The following CPD variants were observed in gnomAD, a reference collection of about 807,000 sequenced individuals.
The protein encoded by CPD is carboxypeptidase D.
Under a neutral mutation model 138.3 loss-of-function variants are expected in CPD, and 69 were observed. The ratio of observed to expected loss-of-function variants is 0.50; its 90% CI spans 0.41 to 0.61. The LOEUF is 0.61. Ranked by LOEUF, CPD falls within the 20% of genes least tolerant of loss-of-function variation. The probability of loss-of-function intolerance (pLI) is 0.00; values close to 1 mark genes in which losing one functional copy is unlikely to be tolerated. For missense variants in CPD, 1,432 were observed against 1,733.3 expected, an observed-to-expected ratio of 0.83 and a Z score of 3.09; for synonymous variants, 651 against 642.1, an observed-to-expected ratio of 1.01 and a Z score of -0.21.
rs1387041378 is a variant in CPD, at chr17:30,467,265, A to T, written c.*2451A>T. The T allele has an allele frequency of 6.6e-6, 1 of 152,598 alleles. No homozygotes were observed. The highest frequency in any genetic ancestry group is 1.5e-5 in the Non-Finnish European group (1 of 68,010). 9.5% of individuals were successfully genotyped at this position (152,598 alleles called of 1,614,324 possible). A position where few individuals can be genotyped will look rare whatever the true frequency, so the allele number is the denominator to read the frequency against. On this transcript the variant is annotated 3_prime_UTR_variant, in exon 21 of 21. Transcript: ENST00000225719. Reference sequence around the variant, plus strand: ...TTGTGCCTTTCTTTACTCACAAGGCATGGGCTTTGTCCTGGTGATCAGTTT... The same window carrying T: ...TTGTGCCTTTCTTTACTCACAAGGCTTGGGCTTTGTCCTGGTGATCAGTTT...
chr17:30,422,851 A>G lies in CPD; in HGVS notation c.1485A>G (p.Pro495=). Reference sequence around the variant, plus strand: ...CTGGAACATCATCCTCCTACCAGCCAATTCAGCCAAAGGACTTTCACCACC... The same window carrying G: ...CTGGAACATCATCCTCCTACCAGCCGATTCAGCCAAAGGACTTTCACCACC... The part of the protein sequence containing the change: ...ILSGTSSSYQ[P]IQPKDFHHHH... Residue 495 remains proline (P), a synonymous_variant, in exon 5 of 21, where the codon CCA becomes CCG. Coordinates refer to ENST00000225719, the MANE Select transcript of CPD (RefSeq NM_001304.5). 6.2e-7 allele frequency: 1 copy of G among 1,614,120 alleles called. No individual in the cohort carries two copies. The highest frequency in any genetic ancestry group is 8.5e-7 in the Non-Finnish European group (1 of 1,179,972).
intron 6 of CPD, among the ~76,000 whole-genome samples, chr17:30,426,179 G>A (rs1458578924): frequency 2.1e-5 from 3 of 142,120 alleles, no homozygotes; most frequent in Admixed American, 7.5e-5. Flanking sequence ...CAGCCTGGGC[G>A]ACAAGGCGAG....
chr17:30,400,408 A>G (rs533113414), intron 2 of CPD, among the ~76,000 whole-genome samples: 1 of 152,066 alleles, frequency 6.6e-6, no homozygotes, highest in Admixed American at 6.6e-5. Flanking sequence ...AAACCCTACT[A>G]GACAATGTTA....
At chr17:30,401,256 T>TCTCCTC (rs1911652876) in intron 2 of CPD, among the ~76,000 whole-genome samples, 1 of 151,616 alleles carries the variant, frequency 6.6e-6, no homozygotes. Flanking sequence ...TTCTTCTCCT[T>TCTCCTC]CTCCTTCTCC....
intron 8 of CPD, among the ~76,000 whole-genome samples, chr17:30,437,729 G>T (rs2143454559): frequency 6.6e-6 from 1 of 151,648 alleles, no homozygotes; most frequent in South Asian, 2.1e-4. Flanking sequence ...AAAAGAGCAT[G>T]CATATAATTA....
chr17:30,448,532 A>T (rs2143482071), intron 12 of CPD, among the ~76,000 whole-genome samples: 1 of 152,340 alleles, frequency 6.6e-6, no homozygotes, highest in East Asian at 1.9e-4. Flanking sequence ...ACAGGCACTA[A>T]GTACCATTGA....
intron 2 of CPD, among the ~76,000 whole-genome samples, chr17:30,415,213 A>C (rs1466036003): frequency 6.6e-6 from 1 of 152,122 alleles, no homozygotes; most frequent in East Asian, 1.9e-4. Context: ...CACTACCACC[A>C]ACCTAGTCCA....
intron 14 of CPD, chr17:30,454,839 A>G (rs1913250926): frequency 6.6e-6 from 1 of 152,648 alleles, no homozygotes; most frequent in South Asian, 2.1e-4. Context: ...GTGAAAGTGG[A>G]ATCCCCTGGT....
At position 30,387,855 on chromosome 17, in the gene CPD, T is replaced by C. The variant is rs144787083; in HGVS notation, c.994+2619T>C. 2.6e-5 allele frequency among the ~76,000 whole-genome samples: 4 copies of C among 152,354 alleles called. No homozygotes were observed. The East Asian group carries it at 7.7e-4, about 29-fold the overall frequency. On this transcript the variant is annotated intron_variant, in intron 2 of 20. Transcript: ENST00000225719. Reference sequence around the variant, plus strand: ...AAACCTCTGTGCCTGGTGGTGCCTTTGCCCAAGTTCTTGTCCTGCATCCAG... The same window carrying C: ...AAACCTCTGTGCCTGGTGGTGCCTTCGCCCAAGTTCTTGTCCTGCATCCAG...
chr17:30,412,126 G>C (rs1427734198), intron 2 of CPD, among the ~76,000 whole-genome samples: 1 of 152,188 alleles, frequency 6.6e-6, no homozygotes, highest in Admixed American at 6.5e-5. Flanking sequence ...TCAGCTGCAG[G>C]TCTGTTGGAG....
Position 30,451,699 on chromosome 17 carries a change from T to C in CPD, c.3070-12T>C. 6.2e-7 allele frequency: 1 copy of C among 1,611,590 alleles called. No homozygotes were observed. The highest frequency in any genetic ancestry group is 8.5e-7 in the Non-Finnish European group (1 of 1,178,790). ...GCAGCTAGTAACTCGTTAATTTCTGTTTGTGCTTCAGTTGGTTGACAGGAC... is the reference window on the plus strand; with the variant it reads ...GCAGCTAGTAACTCGTTAATTTCTGCTTGTGCTTCAGTTGGTTGACAGGAC... On this transcript the variant is annotated splice_polypyrimidine_tract_variant and intron_variant, in intron 13 of 20. Coordinates refer to ENST00000225719, the MANE Select transcript of CPD (RefSeq NM_001304.5).
At chr17:30,430,423 A>G (rs1051550031) in intron 7 of CPD, among the ~76,000 whole-genome samples, 3 of 152,160 alleles carry the variant, frequency 2.0e-5, no homozygotes, top group African/African-American at 7.2e-5. Flanking sequence ...TTCATTTAGC[A>G]TAGTGTTTTC....
rs1323010117 is a variant in CPD, at chr17:30,385,218, C to T, written c.976C>T (p.His326Tyr). The change falls in exon 2 of 21, where the codon CAT (histidine) becomes TAT (tyrosine). Residue 326 changes from histidine to tyrosine, a missense_variant. By Grantham distance (83) the His-to-Tyr change is moderately conservative (BLOSUM62 2). Transcript: ENST00000225719. ...TFKDGITNGAHWYDVEGGMQD... is the reference protein window; with the variant it reads ...TFKDGITNGAYWYDVEGGMQD... ...CAAAGATGGAATCACAAACGGCGCA[C>T]ATTGGTATGATGTGGAAGGTATGCA... 1.2e-6 allele frequency: 2 copies of T among 1,613,986 alleles called. No individual in the cohort carries two copies. Among genetic ancestry groups the T allele is most frequent in the East Asian group, 2.2e-5 (1 of 44,868 alleles).
At chr17:30,410,856 C>T (rs1228346496) in intron 2 of CPD, among the ~76,000 whole-genome samples, 2 of 152,278 alleles carry the variant, frequency 1.3e-5, no homozygotes, top group South Asian at 4.1e-4. Context: ...AGCCCATTTA[C>T]ATTTAAGGTT....
At chr17:30,393,673 C>T (rs1250364257) in intron 2 of CPD, among the ~76,000 whole-genome samples, 3 of 152,074 alleles carry the variant, frequency 2.0e-5, no homozygotes, top group African/African-American at 2.4e-5. Context: ...CTAATGAACG[C>T]GTACAGAATA....
intron 2 of CPD, among the ~76,000 whole-genome samples, chr17:30,392,703 C>CT (rs1911392847): frequency 6.6e-6 from 1 of 152,158 alleles, no homozygotes; most frequent in Non-Finnish European, 1.5e-5. Flanking sequence ...TTTTCAAATT[C>CT]TAAGTAGGAA....
chr17:30,395,362 A>G (rs980917480), intron 2 of CPD, among the ~76,000 whole-genome samples: 11 of 152,136 alleles, frequency 7.2e-5, no homozygotes, highest in Admixed American at 7.2e-4. Context: ...GTCTTACCTG[A>G]TCTTGCACAT....
intron 12 of CPD, among the ~76,000 whole-genome samples, chr17:30,448,819 G>A (rs1023489762): frequency 2.0e-5 from 3 of 151,896 alleles, no homozygotes; most frequent in African/African-American, 7.3e-5. Context: ...ATTAAAAAGG[G>A]AGGGCCAGGG....
chr17:30,452,352 C>T (rs556872909), intron 14 of CPD, among the ~76,000 whole-genome samples: 5 of 150,544 alleles, frequency 3.3e-5, no homozygotes, highest in East Asian at 1.9e-4. Context: ...AATCTTGGCT[C>T]GCCTCCGCCT....
Sources: allele counts gnomAD v4.1 joint callset (sites outside exome capture counted in the v4.1 genomes callset), GRCh38; gene constraint gnomAD v4.1.1; transcripts MANE v1.5; gene names NCBI Gene and HGNC (gene_info 2026-07-23, HGNC 2026-07-21).